ARHGEF12: variants seen among roughly 807,000 people sequenced by gnomAD.
ARHGEF12 encodes KMT2A/ARHGEF12 fusion protein.
In ARHGEF12, 66 loss-of-function variants were observed where a neutral mutation model predicts 211.2. The ratio of observed to expected loss-of-function variants is 0.31; its 90% CI spans 0.26 to 0.38. The LOEUF is 0.38. Ranked by LOEUF, ARHGEF12 falls within the 10% of genes least tolerant of loss-of-function variation. ARHGEF12 has a pLI of 1.00. For missense variants in ARHGEF12, 1,429 were observed against 1,869.5 expected, an observed-to-expected ratio of 0.76 and a Z score of 4.34; for synonymous variants, 592 against 638.4, an observed-to-expected ratio of 0.93 and a Z score of 1.09.
chr11:120,409,770 G>A (rs887779361), intron 4 of ARHGEF12: 2 of 212,740 alleles, frequency 9.4e-6, no homozygotes, highest in African/African-American at 4.6e-5. Context: ...ACATGAATGG[G>A]CTTTGAATTC....
intron 1 of ARHGEF12, among the ~76,000 whole-genome samples, chr11:120,347,022 T>C (rs1383234075): frequency 6.6e-6 from 1 of 152,126 alleles, no homozygotes; most frequent in African/African-American, 2.4e-5. Flanking sequence ...TCATAGAGCG[T>C]ATCTAGAATT....
chr11:120,347,165 TTC>T (rs1565417042), intron 1 of ARHGEF12, among the ~76,000 whole-genome samples: 4 of 70,128 alleles, frequency 5.7e-5, no homozygotes, highest in African/African-American at 2.3e-4. Flanking sequence ...CCTTCCTTCC[TTC>T]CTTCCTTCCT....
chr11:120,351,587 C>T (rs1397507471), intron 1 of ARHGEF12, among the ~76,000 whole-genome samples: 1 of 149,276 alleles, frequency 6.7e-6, no homozygotes, highest in African/African-American at 2.5e-5. Flanking sequence ...TCTCCTGCCT[C>T]AGCCTCCTGA....
intron 1 of ARHGEF12, among the ~76,000 whole-genome samples, chr11:120,338,964 A>G (rs1942443398): frequency 2.0e-5 from 3 of 151,638 alleles, no homozygotes; most frequent in Non-Finnish European, 4.4e-5. Flanking sequence ...ATAAACATTC[A>G]ATAAATATGA....
chr11:120,386,705 G>A (rs567818470), intron 1 of ARHGEF12, among the ~76,000 whole-genome samples: 8 of 152,176 alleles, frequency 5.3e-5, no homozygotes, highest in African/African-American at 1.9e-4. Flanking sequence ...CTGACATGTA[G>A]GTGTTTTACA....
rs776697048 is a variant in ARHGEF12, at chr11:120,473,068, C to T, written c.2974C>T (p.Arg992Cys). 1.9e-6 allele frequency: 3 copies of T among 1,613,578 alleles called. No individual in the cohort carries two copies. Among genetic ancestry groups the T allele is most frequent in the South Asian group, 1.1e-5 (1 of 91,078 alleles). The change falls in exon 31 of 41, where the codon CGT becomes TGT. Residue 992 changes from arginine (R) to cysteine (C), a missense_variant. Around this residue, in one of 7 missense-constraint regions of ARHGEF12, gnomAD observed 223 missense variants for 444.6 expected, o/e 0.50. Transcript: ENST00000397843. ...TTTTCAGCGCCTAGAAGATTATCAGCGTCGCCTTGATACCTCCAGCCTGAA... is the reference window on the plus strand; with the variant it reads ...TTTTCAGCGCCTAGAAGATTATCAGTGTCGCCTTGATACCTCCAGCCTGAA... ...ENKQRLEDYQ[R>C]RLDTSSLKLS... is the part of the protein sequence containing the mutation.
At position 120,485,942 on chromosome 11, in the gene ARHGEF12, T is replaced by G. The variant is rs1947386083; in HGVS notation, c.*865T>G. 4.3e-6 allele frequency: 1 copy of G among 233,484 alleles called. No homozygotes were observed. 14.5% of individuals were successfully genotyped at this position (233,484 alleles called of 1,614,324 possible). A position where few individuals can be genotyped will look rare whatever the true frequency, so the allele number is the denominator to read the frequency against. On this transcript the variant is annotated 3_prime_UTR_variant, in exon 41 of 41. Transcript: ENST00000397843. Reference sequence around the variant, plus strand: ...CAAATTTTATTTTCTTGACTATAAATTTGTTATTCTTGGTATCATTTCATT... The same window carrying G: ...CAAATTTTATTTTCTTGACTATAAAGTTGTTATTCTTGGTATCATTTCATT...
At position 120,420,769 on chromosome 11, in the gene ARHGEF12, C is replaced by T. The variant is rs199795842; in HGVS notation, c.216C>T (p.Cys72=). 154 of 1,613,960 alleles carry T rather than the reference C, an allele frequency of 9.5e-5. No homozygotes were observed. In the East Asian group the frequency reaches 2.2e-3, roughly 23 times the overall value. Residue 72 remains cysteine (C), a synonymous_variant, in exon 5 of 41, where the codon TGC becomes TGT. Coordinates refer to ENST00000397843, the MANE Select transcript of ARHGEF12 (RefSeq NM_015313.3). ...RSEIYGLVQR[C]VIIQKDDNGF... ...CTTGTGCAGGTCTTGTTCAGCGTTGCGTAATCATCCAGAAAGATGACAATG... is the reference window on the plus strand; with the variant it reads ...CTTGTGCAGGTCTTGTTCAGCGTTGTGTAATCATCCAGAAAGATGACAATG...
chr11:120,417,869 A>G lies in ARHGEF12; in HGVS notation c.200-2884A>G, dbSNP rs1044556722. On this transcript the variant is annotated intron_variant, in intron 4 of 40. Transcript: ENST00000397843. ...TTTTTTAAACTTGATTTATATATTC[A>G]TATCCTATTTTATAGGTGTCCTAAT... Among the ~76,000 whole-genome samples, 10 of 152,336 alleles carry G rather than the reference A, an allele frequency of 6.6e-5. No homozygotes were observed. In the East Asian group the frequency reaches 1.7e-3, roughly 26 times the overall value.
chr11:120,448,411 T>G, intron 20 of ARHGEF12, 63 bp downstream of exon 20: 2 of 1,232,378 alleles, frequency 1.6e-6, no homozygotes. Context: ...TTGGTTGCAG[T>G]GTCTTCCATC....
chr11:120,358,347 C>T (rs893485397), intron 1 of ARHGEF12, among the ~76,000 whole-genome samples: 1 of 151,994 alleles, frequency 6.6e-6, no homozygotes, highest in African/African-American at 2.4e-5. Flanking sequence ...GTGGGGCTTT[C>T]TGGGTTGTGT....
Position 120,483,340 on chromosome 11 carries a change from A to G in ARHGEF12, c.4555-1098A>G, listed in dbSNP as rs55996534. On this transcript the variant is annotated intron_variant, in intron 39 of 40. Transcript: ENST00000397843. ...CAGTGGCGCTATTTCGGCTCACTGCAACCTCTGCCTCCCAGGTTCAAGCGA... is the reference window on the plus strand; with the variant it reads ...CAGTGGCGCTATTTCGGCTCACTGCGACCTCTGCCTCCCAGGTTCAAGCGA... 5.4e-3 allele frequency among the ~76,000 whole-genome samples: 766 copies of G among 140,922 alleles called. 3 individuals carry two copies. Among genetic ancestry groups the G allele is most frequent in the Non-Finnish European group, 7.9e-3 (524 of 66,580 alleles). 92.5% of individuals were successfully genotyped at this position (140,922 alleles called of 152,430 possible). A position where few individuals can be genotyped will look rare whatever the true frequency, so the allele number is the denominator to read the frequency against.
At position 120,446,399 on chromosome 11, in the gene ARHGEF12, GA is replaced by G. The variant is rs778968759; in HGVS notation, c.1346-2del. On this transcript the variant is annotated splice_region_variant and splice_polypyrimidine_tract_variant and intron_variant, in intron 16 of 40. Transcript: ENST00000397843. ...AGATAACATAATTCCTTTCATTTATGAAGAAAAGAGAAGACCTGAGCTCATT... is the reference window on the plus strand; with the variant it reads ...AGATAACATAATTCCTTTCATTTATGAGAAAAGAGAAGACCTGAGCTCATT... 1 of 1,604,728 alleles carries G rather than the reference GA, an allele frequency of 6.2e-7. No homozygotes were observed. The highest frequency in any genetic ancestry group is 8.5e-7 in the Non-Finnish European group (1 of 1,175,596).
rs760372640 is a variant in ARHGEF12 at position 120,485,124 on chromosome 11, C to T, written c.*47C>T. 18 of 1,611,266 alleles carry T rather than the reference C, an allele frequency of 1.1e-5. No individual in the cohort carries two copies. Among genetic ancestry groups the T allele is most frequent in the East Asian group, 4.5e-5 (2 of 44,874 alleles). ...CTGCAGGTTGTTGGATTTGGAGTAT[C>T]GGCCGTGTCTCACCACATCCTGGCT... On this transcript the variant is annotated 3_prime_UTR_variant, in exon 41 of 41. Coordinates refer to ENST00000397843, the MANE Select transcript of ARHGEF12 (RefSeq NM_015313.3).
chr11:120,481,697 A>G, intron 39 of ARHGEF12, 121 bp downstream of exon 39: 1 of 931,072 alleles, frequency 1.1e-6, no homozygotes, highest in South Asian at 1.7e-5. Context: ...TTCTTTGACT[A>G]TTATCCATGA....
chr11:120,362,876 G>C (rs1016298015), intron 1 of ARHGEF12, among the ~76,000 whole-genome samples: 1 of 152,086 alleles, frequency 6.6e-6, no homozygotes, highest in Admixed American at 6.5e-5. Flanking sequence ...CGAGGCGGGC[G>C]GATCATGAGG....
intron 1 of ARHGEF12, among the ~76,000 whole-genome samples, chr11:120,380,832 T>C (rs2135451055): frequency 6.6e-6 from 1 of 152,370 alleles, no homozygotes; most frequent in South Asian, 2.1e-4. Context: ...GTCATTTATA[T>C]CAGTATGGAC....
intron 22 of ARHGEF12, among the ~76,000 whole-genome samples, chr11:120,453,580 T>C (rs1946274689): frequency 6.6e-6 from 1 of 152,144 alleles, no homozygotes. Context: ...CAGCCAGTCA[T>C]ATGGCATGTG....
intron 8 of ARHGEF12, among the ~76,000 whole-genome samples, chr11:120,428,935 A>G (rs573743942): frequency 6.6e-6 from 1 of 152,354 alleles, no homozygotes; most frequent in African/African-American, 2.4e-5. Flanking sequence ...CTAGATAAGC[A>G]GTAAGAATCC....
Sources: allele counts gnomAD v4.1 joint callset (sites outside exome capture counted in the v4.1 genomes callset), GRCh38; gene constraint gnomAD v4.1.1; regional missense constraint gnomAD v4.1.1; transcripts MANE v1.5; gene names NCBI Gene and HGNC (gene_info 2026-07-23, HGNC 2026-07-21).